Variants in LRRC42 observed in about 807,000 individuals in gnomAD.
LRRC42 encodes leucine-rich repeat-containing protein 42.
In LRRC42, 43 loss-of-function variants were observed where a neutral mutation model predicts 44.3. That is an observed-to-expected ratio of 0.97 (90% CI 0.76 to 1.25). LRRC42 has a LOEUF of 1.25. LRRC42 is among the 50% of genes most tolerant of loss of function. The pLI is 0.00. For synonymous variants in LRRC42, 207 were observed against 195.2 expected (o/e 1.06, Z -0.50); for missense variants, 540 against 509.1 (o/e 1.06, Z -0.58).
rs760617464 is a variant in LRRC42, at chr1:53,958,142, T to C, written c.474-7T>C. ...GGAAGCTATTGATTGCTCTCCACGCTCCGTAGGTATCTCGTGATTTCAGAA... is the reference window on the plus strand; with the variant it reads ...GGAAGCTATTGATTGCTCTCCACGCCCCGTAGGTATCTCGTGATTTCAGAA... On this transcript the variant is annotated splice_region_variant and splice_polypyrimidine_tract_variant and intron_variant, in intron 3 of 8. Transcript: ENST00000371370. 16 of 1,613,384 alleles carry C rather than the reference T, an allele frequency of 9.9e-6. No homozygotes were observed. The highest frequency in any genetic ancestry group is 1.4e-5 in the Non-Finnish European group (16 of 1,179,598).
At chr1:53,963,267 A>T (rs1167507467) in intron 7 of LRRC42, among the ~76,000 whole-genome samples, 1 of 152,236 alleles carries the variant, frequency 6.6e-6, no homozygotes, top group Non-Finnish European at 1.5e-5. Context: ...GGTCCAGAAC[A>T]TGCATGATGA....
intron 7 of LRRC42, among the ~76,000 whole-genome samples, chr1:53,964,511 T>G (rs940007409): frequency 4.6e-5 from 7 of 152,194 alleles, no homozygotes; most frequent in African/African-American, 1.7e-4. Flanking sequence ...CCAGCTCTTA[T>G]TGACATTCTT....
intron 2 of LRRC42, among the ~76,000 whole-genome samples, chr1:53,949,003 A>T (rs529459926): frequency 4.0e-4 from 61 of 152,180 alleles, no homozygotes; most frequent in Non-Finnish European, 5.6e-4. Flanking sequence ...TGGACAAATG[A>T]TGTGGGTTTA....
At chr1:53,963,948 C>T (rs1362993677) in intron 7 of LRRC42, among the ~76,000 whole-genome samples, 3 of 5,402 alleles carry the variant, frequency 5.6e-4, no homozygotes, top group East Asian at 5.5e-3. Context: ...CTCCTGCCCA[C>T]CCCCCCCCCA....
chr1:53,947,431 G>C (rs753848248), intron 1 of LRRC42, among the ~76,000 whole-genome samples: 58 of 152,128 alleles, frequency 3.8e-4, no homozygotes, highest in Non-Finnish European at 1.6e-4. Flanking sequence ...AAAGTAGTGA[G>C]GAAAGTTGAA....
Position 53,966,351 on chromosome 1 carries a change from C to CGGAGCT in LRRC42, c.988_989insTGGAGC (p.Glu329_Pro330insLeuGlu), listed in dbSNP as rs1385632732. 1.2e-6 allele frequency: 2 copies of CGGAGCT among 1,613,768 alleles called. No individual in the cohort carries two copies. The highest frequency in any genetic ancestry group is 2.7e-5 in the African/African-American group (2 of 74,924). Reference sequence around the variant, plus strand: ...GAAGCTGTGAAGCCACGGGAGACCTCGGAGCCTAGAGCAGCAGCTCAGCGC... The same window carrying CGGAGCT: ...GAAGCTGTGAAGCCACGGGAGACCTCGGAGCTGGAGCCTAGAGCAGCAGCTCAGCGC... On this transcript the variant is annotated inframe_insertion, in exon 8 of 9. Coordinates refer to ENST00000371370, the MANE Select transcript of LRRC42 (RefSeq NM_001256409.2).
chr1:53,956,128 G>A (rs1370046080), intron 3 of LRRC42, among the ~76,000 whole-genome samples: 1 of 152,196 alleles, frequency 6.6e-6, no homozygotes, highest in Non-Finnish European at 1.5e-5. Context: ...GCACAAAGGG[G>A]TTCAGGTCAA....
chr1:53,951,303 G>A (rs1654672248), intron 2 of LRRC42, among the ~76,000 whole-genome samples: 1 of 152,164 alleles, frequency 6.6e-6, no homozygotes. Context: ...CATTTAGGTC[G>A]TTTTCCAATT....
At position 53,960,498 on chromosome 1, in the gene LRRC42, A is replaced by T. The variant is rs1397816258; in HGVS notation, c.724+24A>T. ...ATGTAAGTTTTCTTCGAAATTATAG[A>T]TTATTTTAATGTTGGAAGAATGGCC... is the stretch of plus-strand genomic sequence containing the variant. On this transcript the variant is annotated intron_variant, in intron 5 of 8. Transcript: ENST00000371370. 2.0e-6 allele frequency: 3 copies of T among 1,476,748 alleles called. No individual in the cohort carries two copies. In the South Asian group the frequency reaches 3.5e-5, roughly 17 times the overall value. The allele number at this position is 1,476,748 out of a possible 1,614,324, so 91.5% of individuals were successfully genotyped here.
chr1:53,962,468 C>T, intron 7 of LRRC42, 59 bp downstream of exon 7: 1 of 1,027,204 alleles, frequency 9.7e-7, no homozygotes, highest in Non-Finnish European at 1.5e-6. Context: ...TTCCAAGTGT[C>T]TTATCCAACA....
chr1:53,960,587 G>A, intron 5 of LRRC42, 113 bp downstream of exon 5: 1 of 773,424 alleles, frequency 1.3e-6, no homozygotes. Flanking sequence ...ACTTTCCTCG[G>A]TGCCATAGAA....
At chr1:53,960,253 G>A (rs1048333451) in intron 4 of LRRC42, 103 bp from the exon 5 acceptor site, 35 of 797,980 alleles carry the variant, frequency 4.4e-5, no homozygotes, top group Admixed American at 3.0e-4. Flanking sequence ...AAGAGGTAGA[G>A]GATATGTTAT....
chr1:53,951,228 T>C (rs1344791991), intron 2 of LRRC42, among the ~76,000 whole-genome samples: 1 of 152,270 alleles, frequency 6.6e-6, no homozygotes, highest in Non-Finnish European at 1.5e-5. Flanking sequence ...ATAATTTTAA[T>C]GGCTTTATCA....
At chr1:53,953,730 T>C (rs1317129970) in intron 3 of LRRC42, among the ~76,000 whole-genome samples, 1 of 151,338 alleles carries the variant, frequency 6.6e-6, no homozygotes, top group Admixed American at 6.6e-5. Context: ...ACCTGAAAGG[T>C]AGCTTACTTT....
chr1:53,958,816 C>G (rs1345095259), intron 4 of LRRC42, among the ~76,000 whole-genome samples: 1 of 152,116 alleles, frequency 6.6e-6, no homozygotes, highest in Admixed American at 6.5e-5. Context: ...GAGGTCCTGA[C>G]CTCAGGTGAT....
rs1278276774 is a variant in LRRC42, at chr1:53,962,297, A to G, written c.815A>G (p.Asp272Gly). 4 of 1,610,444 alleles carry G rather than the reference A, an allele frequency of 2.5e-6. No individual in the cohort carries two copies. In the Admixed American group the frequency reaches 5.0e-5, roughly 20 times the overall value. ...CLDISGTGLK[D>G]IKTVKHKLQT... is the part of the protein sequence containing the mutation. ...TCTGATCTGTCTCTGCCTCACTAGG[A>G]CATCAAAACCGTCAAGCACAAGCTC... The change falls in exon 7 of 9, where the codon GAC (aspartate) becomes GGC (glycine). Residue 272 changes from aspartate to glycine, a missense_variant and splice_region_variant. Transcript: ENST00000371370.
chr1:53,955,170 G>A (rs975243195), intron 3 of LRRC42, among the ~76,000 whole-genome samples: 2 of 152,022 alleles, frequency 1.3e-5, no homozygotes, highest in East Asian at 1.9e-4. Flanking sequence ...CTAGATGGTG[G>A]GATTGGAATT....
At chr1:53,961,954 G>A (rs12071891) in intron 5 of LRRC42, 80 bp from the exon 6 acceptor site, 23 of 1,057,780 alleles carry the variant, frequency 2.2e-5, no homozygotes, top group African/African-American at 3.2e-5. Flanking sequence ...TTGCCCGGAC[G>A]TTTTTCTGAG....
chr1:53,949,151 C>G (rs1557642967), intron 2 of LRRC42, among the ~76,000 whole-genome samples: 1 of 152,062 alleles, frequency 6.6e-6, no homozygotes, highest in Non-Finnish European at 1.5e-5. Flanking sequence ...CCCTGGAAGC[C>G]AAAGCAGCCA....
Sources: gnomAD v4.1 joint callset for allele counts (sites outside exome capture counted in the v4.1 genomes callset) on GRCh38, gnomAD v4.1.1 for gene constraint, MANE v1.5 for transcripts, NCBI Gene and HGNC (gene_info 2026-07-23, HGNC 2026-07-21) for gene names.